ITPR2: variants seen among roughly 807,000 people sequenced by gnomAD.
ITPR2 encodes the protein inositol 1,4,5-trisphosphate receptor type 2, also known as inositol 1,4,5-trisphosphate-gated calcium channel ITPR2.
Under a neutral mutation model 317.1 loss-of-function variants are expected in ITPR2, and 207 were observed. The observed-to-expected ratio is 0.65, with a 90% CI of 0.58 to 0.73. The LOEUF (loss-of-function observed/expected upper bound fraction) is 0.73, where lower values mean the gene tolerates loss of function less well. ITPR2 is among the 30% of genes least tolerant of loss of function. The probability of loss-of-function intolerance (pLI) is 0.00; values close to 1 mark genes in which losing one functional copy is unlikely to be tolerated. For synonymous variants in ITPR2, 1,156 were observed against 1,149.1 expected, an observed-to-expected ratio of 1.01 and a Z score of -0.12; for missense variants, 2,613 against 3,284.0, an observed-to-expected ratio of 0.80 and a Z score of 4.99.
At chr12:26,715,498 C>T in intron 7 of ITPR2, 53 bp from the exon 8 acceptor site, 1 of 1,542,506 alleles carries the variant, frequency 6.5e-7, no homozygotes. Context: ...AAGCAGGTGT[C>T]TCTTTCTGGT....
intron 2 of ITPR2, among the ~76,000 whole-genome samples, chr12:26,731,529 G>T (rs1949028340): frequency 6.6e-6 from 1 of 152,194 alleles, no homozygotes; most frequent in Admixed American, 6.5e-5. Context: ...AGACACAGTG[G>T]CTCATGCCTA....
rs1488930681 is a variant in ITPR2, at chr12:26,411,402, T to C, written c.7317A>G (p.Gln2439=). 4 of 1,610,588 alleles carry C rather than the reference T, an allele frequency of 2.5e-6. No individual in the cohort carries two copies. The highest frequency in any genetic ancestry group is 3.4e-6 in the Non-Finnish European group (4 of 1,176,984). Residue 2439 remains glutamine (Q), a synonymous_variant, in exon 52 of 57, where the codon CAA becomes CAG. Coordinates refer to ENST00000381340, the MANE Select transcript of ITPR2 (RefSeq NM_002223.4). ...TGGTAGTTAAAGTCATAGTAGGCACTTGATGACTGCCTAAGAAAATACAAA... is the reference window on the plus strand; with the variant it reads ...TGGTAGTTAAAGTCATAGTAGGCACCTGATGACTGCCTAAGAAAATACAAA... ...KNRTPVTGSH[Q]VPTMTLTTMM...
chr12:26,736,991 T>G (rs1949131246), intron 2 of ITPR2, among the ~76,000 whole-genome samples: 1 of 152,206 alleles, frequency 6.6e-6, no homozygotes. Flanking sequence ...ATAATCCCAC[T>G]TTGTGTAGCT....
At chr12:26,574,523 T>G (rs1407177125) in intron 34 of ITPR2, among the ~76,000 whole-genome samples, 2 of 152,210 alleles carry the variant, frequency 1.3e-5, no homozygotes, top group African/African-American at 4.8e-5. Flanking sequence ...AGCTGCTTTA[T>G]AGTTGCCCAT....
rs1480774745 is a variant in ITPR2, at chr12:26,481,225, T to C, written c.6029A>G (p.His2010Arg). Residue 2010 changes from histidine (H) to arginine (R), a missense_variant, in exon 43 of 57, where the codon CAT becomes CGT. His to Arg is a conservative substitution (Grantham distance 29, BLOSUM62 0). Coordinates refer to ENST00000381340, the MANE Select transcript of ITPR2 (RefSeq NM_002223.4). Reference sequence around the variant, plus strand: ...GATGATATCAATCCCATTAGACTCATGTGTAGCGATACAGGTCTAGAAAAC... The same window carrying C: ...GATGATATCAATCCCATTAGACTCACGTGTAGCGATACAGGTCTAGAAAAC... Reference protein sequence around the residue: ...CHENQTCIATHESNGIDIIIA... With the variant: ...CHENQTCIATRESNGIDIIIA... 22 of 1,606,862 alleles carry C rather than the reference T, an allele frequency of 1.4e-5. No homozygotes were observed. The highest frequency in any genetic ancestry group is 1.8e-5 in the Non-Finnish European group (21 of 1,173,750).
intron 32 of ITPR2, among the ~76,000 whole-genome samples, chr12:26,589,223 T>C (rs927461620): frequency 2.0e-5 from 3 of 152,228 alleles, no homozygotes; most frequent in African/African-American, 7.2e-5. Flanking sequence ...GATATTAGAA[T>C]GGAATAAGAA....
rs1465121622 is a variant in ITPR2, at chr12:26,487,057, T to C, written c.5554+11A>G. The C allele has an allele frequency of 1.2e-6, 2 of 1,607,780 alleles. No individual in the cohort carries two copies. The highest frequency in any genetic ancestry group is 3.3e-5 in the Admixed American group (2 of 59,708). On this transcript the variant is annotated intron_variant, in intron 40 of 56. Transcript: ENST00000381340. ...CACTCTGTTCTCCCAAATACTCAAA[T>C]ACTTCTTTACCTCTCATTCGTGGAC...
chr12:26,711,324 A>G, intron 8 of ITPR2, 56 bp from the exon 9 acceptor site: 1 of 1,182,564 alleles, frequency 8.5e-7, no homozygotes, highest in Non-Finnish European at 1.3e-6. Context: ...CCTGGCAAGC[A>G]AACACCAACA....
intron 2 of ITPR2, among the ~76,000 whole-genome samples, chr12:26,772,699 T>C (rs1000386656): frequency 3.3e-5 from 5 of 151,122 alleles, no homozygotes; most frequent in African/African-American, 1.2e-4. Context: ...ACATGGTGTA[T>C]ATTCGATAAA....
intron 1 of ITPR2, among the ~76,000 whole-genome samples, chr12:26,823,343 C>T (rs1265899481): frequency 2.0e-5 from 3 of 152,178 alleles, no homozygotes; most frequent in Non-Finnish European, 4.4e-5. Flanking sequence ...GACCTTGCAA[C>T]ATTTGCAACA....
In ITPR2 at chr12:26,619,438, C is replaced by T. The variant is rs116074226; in HGVS notation, c.3462+1685G>A. Among the ~76,000 whole-genome samples, 1,195 of 152,208 alleles carry T rather than the reference C, an allele frequency of 7.9e-3. 9 individuals carry two copies. Among genetic ancestry groups the T allele is most frequent in the African/African-American group, 0.027 (1,118 of 41,530 alleles). On this transcript the variant is annotated intron_variant, in intron 26 of 56. Transcript: ENST00000381340. ...TCAGGGTGGTGTATCCTAGCTTGGG[C>T]GACATCTTTTACTTAATCTAAACTA...
intron 37 of ITPR2, among the ~76,000 whole-genome samples, chr12:26,529,412 G>A (rs1443700568): frequency 6.6e-6 from 1 of 152,166 alleles, no homozygotes; most frequent in South Asian, 2.1e-4. Flanking sequence ...ATCTTTGGGT[G>A]TGTGCTGTTT....
At chr12:26,755,022 TA>T (rs1365143923) in intron 2 of ITPR2, among the ~76,000 whole-genome samples, 1 of 152,202 alleles carries the variant, frequency 6.6e-6, no homozygotes, top group Non-Finnish European at 1.5e-5. Context: ...TTGTCAAATA[TA>T]AAATGGTGTT....
chr12:26,391,421 C>G (rs908658939), intron 54 of ITPR2, among the ~76,000 whole-genome samples: 6 of 152,072 alleles, frequency 3.9e-5, no homozygotes, highest in African/African-American at 1.4e-4. Context: ...GTCAGTTACT[C>G]TGGTGTGGCA....
chr12:26,802,237 T>C (rs1404717872), intron 1 of ITPR2, among the ~76,000 whole-genome samples: 1 of 151,868 alleles, frequency 6.6e-6, no homozygotes, highest in African/African-American at 2.4e-5. Context: ...AAGTGGAGGC[T>C]ATAAGCAGCT....
intron 37 of ITPR2, among the ~76,000 whole-genome samples, chr12:26,521,557 T>C (rs550550303): frequency 4.6e-5 from 7 of 152,188 alleles, no homozygotes; most frequent in African/African-American, 9.7e-5. Context: ...TCATCAAGCA[T>C]GTAGGTTTAC....
intron 33 of ITPR2, among the ~76,000 whole-genome samples, chr12:26,579,443 T>C (rs781704668): frequency 1.3e-5 from 2 of 152,150 alleles, no homozygotes; most frequent in African/African-American, 2.4e-5. Context: ...TATGTTTATA[T>C]ATTCTGTACA....
intron 2 of ITPR2, among the ~76,000 whole-genome samples, chr12:26,738,018 C>T (rs903859441): frequency 1.2e-4 from 18 of 152,118 alleles, no homozygotes; most frequent in African/African-American, 4.1e-4. Context: ...CACACACACA[C>T]GCACACACAT....
Position 26,471,562 on chromosome 12 carries a change from C to G in ITPR2, c.6342+3734G>C, listed in dbSNP as rs549321778. Among the ~76,000 whole-genome samples the G allele has an allele frequency of 2.7e-3, 407 of 152,232 alleles. 1 individual carries two copies. The highest frequency in any genetic ancestry group is 4.8e-3 in the Non-Finnish European group (327 of 68,026). On this transcript the variant is annotated intron_variant, in intron 45 of 56. Transcript: ENST00000381340. ...TTATGTAGATCAGACAAGACACTTA[C>G]AAGAAGCATTATTTGTTTCTTGTAA...
Sources: allele counts gnomAD v4.1 joint callset (sites outside exome capture counted in the v4.1 genomes callset), GRCh38; gene constraint gnomAD v4.1.1; transcripts MANE v1.5; gene names NCBI Gene and HGNC (gene_info 2026-07-23, HGNC 2026-07-21).